Variants in GTF2A1L observed in about 807,000 individuals in gnomAD.
GTF2A1L encodes the protein general transcription factor IIA subunit 1 like.
A neutral mutation model predicts 49.7 loss-of-function variants in GTF2A1L; 48 were observed. The observed-to-expected ratio is 0.97, with a 90% CI of 0.77 to 1.23. GTF2A1L has a LOEUF of 1.23. GTF2A1L is among the 50% of genes most tolerant of loss of function. The pLI is 0.00. For synonymous variants in GTF2A1L, 246 were observed against 193.5 expected (o/e 1.27, Z -2.25); for missense variants, 736 against 564.8 (o/e 1.30, Z -3.07).
chr2:48,639,279 C>G (rs1677075800), intron 3 of GTF2A1L, among the ~76,000 whole-genome samples: 1 of 152,158 alleles, frequency 6.6e-6, no homozygotes, highest in Non-Finnish European at 1.5e-5. Flanking sequence ...CTGGAGGCAT[C>G]ACATTACCTG....
At chr2:48,678,670 A>G (rs888354077) in intron 8 of GTF2A1L, among the ~76,000 whole-genome samples, 1 of 152,090 alleles carries the variant, frequency 6.6e-6, no homozygotes, top group Non-Finnish European at 1.5e-5. Context: ...TGGAATCTAG[A>G]AAACAGCCAG....
rs1305118436 is a variant in GTF2A1L, at chr2:48,654,280, C to G, written c.978+7238C>G. On this transcript the variant is annotated intron_variant, in intron 6 of 8. Coordinates refer to ENST00000403751, the MANE Select transcript of GTF2A1L (RefSeq NM_006872.5). ...TTATTTTGACTTCTGCTTCATGTGT[C>G]TTATCAAAGGCTGCAAAGATTTTAT... Among the ~76,000 whole-genome samples the G allele has an allele frequency of 1.2e-4, 19 of 152,114 alleles. 1 individual carries two copies. The highest frequency in any genetic ancestry group is 2.9e-5 in the Non-Finnish European group (2 of 68,026).
chr2:48,634,256 C>T (rs1179672585), intron 3 of GTF2A1L, among the ~76,000 whole-genome samples: 9 of 152,152 alleles, frequency 5.9e-5, no homozygotes, highest in South Asian at 4.2e-4. Context: ...GGATGGCAGG[C>T]GAGCATAACC....
At chr2:48,660,095 T>G (rs77946212) in intron 6 of GTF2A1L, among the ~76,000 whole-genome samples, 8,070 of 152,070 alleles carry the variant, frequency 0.053, 343 homozygotes, top group South Asian at 0.21. Context: ...TCAGTATGAT[T>G]TTTTTTTTAT....
chr2:48,637,816 C>G (rs576802183), intron 3 of GTF2A1L, among the ~76,000 whole-genome samples: 56 of 151,574 alleles, frequency 3.7e-4, no homozygotes, highest in Non-Finnish European at 1.6e-4. Flanking sequence ...AAATAACCAT[C>G]AGAAACCATC....
chr2:48,636,438 G>GT (rs1233057382), intron 3 of GTF2A1L, among the ~76,000 whole-genome samples: 4 of 152,198 alleles, frequency 2.6e-5, no homozygotes, highest in African/African-American at 7.2e-5. Flanking sequence ...TGTCTGTTGT[G>GT]TTTTTTTAAC....
chr2:48,633,883 T>C (rs1162138969), intron 3 of GTF2A1L, among the ~76,000 whole-genome samples: 1 of 87,854 alleles, frequency 1.1e-5, no homozygotes, highest in Non-Finnish European at 2.4e-5. Context: ...TATCATTATA[T>C]AATGGCCTTC....
At position 48,651,399 on chromosome 2, in the gene GTF2A1L, A is replaced by G. The variant is rs142588467; in HGVS notation, c.978+4357A>G. Among the ~76,000 whole-genome samples, 141 of 151,342 alleles carry G rather than the reference A, an allele frequency of 9.3e-4. 1 individual carries two copies. Among genetic ancestry groups the G allele is most frequent in the Non-Finnish European group, 1.1e-3 (78 of 67,842 alleles). On this transcript the variant is annotated intron_variant, in intron 6 of 8. Transcript: ENST00000403751. Reference sequence around the variant, plus strand: ...ACATCTGATTTTAATCATTATTTGTACATTGATACCATCAAAGAATTTTTA... The same window carrying G: ...ACATCTGATTTTAATCATTATTTGTGCATTGATACCATCAAAGAATTTTTA...
intron 6 of GTF2A1L, among the ~76,000 whole-genome samples, chr2:48,649,183 A>G (rs1000223362): frequency 4.6e-5 from 7 of 152,100 alleles, no homozygotes; most frequent in Non-Finnish European, 8.8e-5. Context: ...ATCATACAAT[A>G]TTTGCCCTTT....
intron 4 of GTF2A1L, among the ~76,000 whole-genome samples, chr2:48,644,708 A>G (rs1010685136): frequency 6.6e-5 from 10 of 152,178 alleles, no homozygotes; most frequent in Non-Finnish European, 1.0e-4. Flanking sequence ...GGATGTTATC[A>G]GTCTTTCAAA....
chr2:48,670,231 T>C (rs530693857), intron 7 of GTF2A1L, among the ~76,000 whole-genome samples: 3 of 151,814 alleles, frequency 2.0e-5, no homozygotes, highest in African/African-American at 7.3e-5. Context: ...CTGTCTTTAC[T>C]AATAAAACAA....
At chr2:48,659,822 T>C (rs1488650320) in intron 6 of GTF2A1L, among the ~76,000 whole-genome samples, 1 of 152,170 alleles carries the variant, frequency 6.6e-6, no homozygotes, top group Non-Finnish European at 1.5e-5. Flanking sequence ...TTTTGTATTC[T>C]TTAACATTGT....
intron 6 of GTF2A1L, among the ~76,000 whole-genome samples, chr2:48,648,121 T>C (rs1558738160): frequency 1.3e-5 from 2 of 152,132 alleles, no homozygotes; most frequent in Admixed American, 1.3e-4. Context: ...ATTTGGCCTG[T>C]TTTAGAATGT....
intron 3 of GTF2A1L, among the ~76,000 whole-genome samples, chr2:48,622,133 C>T (rs1380970753): frequency 6.6e-6 from 1 of 152,152 alleles, no homozygotes; most frequent in Non-Finnish European, 1.5e-5. Flanking sequence ...TGGGAAAATT[C>T]ACATGAAAAT....
At position 48,679,301 on chromosome 2, in the gene GTF2A1L, A is replaced by G. The variant is rs759236417; in HGVS notation, c.1330-34A>G. ...ATGCAGGTGATCCTTTAACTTGTAAAATTAATTAATGTAAACTACTTTTCT... is the reference window on the plus strand; with the variant it reads ...ATGCAGGTGATCCTTTAACTTGTAAGATTAATTAATGTAAACTACTTTTCT... On this transcript the variant is annotated intron_variant, in intron 8 of 8. Transcript: ENST00000403751. 3.1e-6 allele frequency: 5 copies of G among 1,597,518 alleles called. No individual in the cohort carries two copies. In the African/African-American group the frequency reaches 5.4e-5, roughly 17 times the overall value.
At chr2:48,642,633 T>C (rs1178500085) in intron 4 of GTF2A1L, among the ~76,000 whole-genome samples, 176 bp downstream of exon 4, 11 of 152,150 alleles carry the variant, frequency 7.2e-5, no homozygotes, top group African/African-American at 2.4e-4. Flanking sequence ...GGCAGGTGGA[T>C]TGCCTGAGAT....
intron 8 of GTF2A1L, 22 bp downstream of exon 8, chr2:48,671,702 C>A (rs771790841): frequency 8.8e-5 from 140 of 1,596,158 alleles, no homozygotes; most frequent in Non-Finnish European, 1.2e-4. Context: ...ACCTTTTGGA[C>A]TTTGGGTTTA....
chr2:48,658,877 C>G (rs970694761), intron 6 of GTF2A1L, among the ~76,000 whole-genome samples: 1 of 151,990 alleles, frequency 6.6e-6, no homozygotes, highest in African/African-American at 2.4e-5. Context: ...GATCTTCTCT[C>G]TGTTTTTCTT....
chr2:48,644,127 C>T (rs1368850675), intron 4 of GTF2A1L, among the ~76,000 whole-genome samples: 1 of 152,152 alleles, frequency 6.6e-6, no homozygotes, highest in Non-Finnish European at 1.5e-5. Context: ...GTTATGATTG[C>T]ACCACTGCTC....
Sources: allele counts gnomAD v4.1 joint callset (sites outside exome capture counted in the v4.1 genomes callset), GRCh38; gene constraint gnomAD v4.1.1; transcripts MANE v1.5; gene names NCBI Gene and HGNC (gene_info 2026-07-23, HGNC 2026-07-21).